Variants in ARID1B observed in about 807,000 individuals in gnomAD.
ARID1B encodes the protein AT-rich interaction domain 1B, also known as AT-rich interactive domain-containing protein 1B.
Under a neutral mutation model 212.3 loss-of-function variants are expected in ARID1B, and 30 were observed. The ratio of observed to expected loss-of-function variants is 0.14; its 90% CI spans 0.11 to 0.19. The LOEUF is 0.19. ARID1B is among the 10% of genes least tolerant of loss of function. The probability of loss-of-function intolerance (pLI) is 1.00; values close to 1 mark genes in which losing one functional copy is unlikely to be tolerated. For missense variants in ARID1B, 2,891 were observed against 3,204.0 expected (o/e 0.90, Z 2.36); for synonymous variants, 1,402 against 1,301.7 (o/e 1.08, Z -1.66).
intron 11 of ARID1B, among the ~76,000 whole-genome samples, 198 bp from the exon 12 acceptor site, chr6:157,180,771 G>A (rs1015993440): frequency 6.6e-5 from 10 of 152,164 alleles, no homozygotes; most frequent in African/African-American, 2.2e-4. Flanking sequence ...TTTATTTAAA[G>A]TAAAAGTAAA....
rs1045559115 is a variant in ARID1B at position 157,205,794 on chromosome 6, G to T, written c.5395-373G>T. 3 of 178,968 alleles carry T rather than the reference G, an allele frequency of 1.7e-5. No individual in the cohort carries two copies. The South Asian group carries it at 4.1e-4, about 24-fold the overall frequency. 11.1% of individuals were successfully genotyped at this position (178,968 alleles called of 1,614,324 possible). A position where few individuals can be genotyped will look rare whatever the true frequency, so the allele number is the denominator to read the frequency against. On this transcript the variant is annotated intron_variant, in intron 19 of 19. Transcript: ENST00000636930. The stretch of plus-strand genomic sequence containing the variant: ...GGGCAAAAGAGTCTATAAAATCCAT[G>T]TTCCCACTCTTCTAATAATGAGTAC...
At chr6:156,856,176 A>G (rs942601779) in intron 2 of ARID1B, among the ~76,000 whole-genome samples, 2 of 152,216 alleles carry the variant, frequency 1.3e-5, no homozygotes, top group Non-Finnish European at 2.9e-5. Flanking sequence ...TAGGTTGCCT[A>G]ACGTTAACTG....
At chr6:157,110,040 G>A (rs1157740689) in intron 5 of ARID1B, among the ~76,000 whole-genome samples, 1 of 152,188 alleles carries the variant, frequency 6.6e-6, no homozygotes, top group Non-Finnish European at 1.5e-5. Flanking sequence ...AGATGTTTTA[G>A]AAGTCTATTG....
chr6:157,054,653 G>A (rs1782823588), intron 4 of ARID1B, among the ~76,000 whole-genome samples: 1 of 152,080 alleles, frequency 6.6e-6, no homozygotes, highest in Non-Finnish European at 1.5e-5. Context: ...AAAGAGCAAG[G>A]TTTGTGGAAA....
intron 17 of ARID1B, among the ~76,000 whole-genome samples, chr6:157,199,968 G>C (rs1036163377): frequency 6.6e-6 from 1 of 152,178 alleles, no homozygotes; most frequent in African/African-American, 2.4e-5. Context: ...CGCCTGGCCA[G>C]TGAATTGCAT....
intron 2 of ARID1B, chr6:156,871,741 C>T: frequency 2.1e-6 from 3 of 1,450,948 alleles, no homozygotes; most frequent in South Asian, 1.2e-5. Flanking sequence ...GTGTTGTTCC[C>T]CTCCTGCAGG....
chr6:156,825,202 A>G (rs960985560), intron 1 of ARID1B, among the ~76,000 whole-genome samples: 4 of 152,230 alleles, frequency 2.6e-5, no homozygotes, highest in Non-Finnish European at 5.9e-5. Context: ...AGTGAGAAGC[A>G]GGAGTTGAGA....
intron 1 of ARID1B, among the ~76,000 whole-genome samples, chr6:156,802,647 T>A (rs1004162647): frequency 1.5e-4 from 23 of 152,240 alleles, no homozygotes; most frequent in African/African-American, 5.5e-4. Flanking sequence ...GCTACAGCTC[T>A]CCTAGCCCCT....
intron 5 of ARID1B, among the ~76,000 whole-genome samples, chr6:157,099,447 A>G: frequency 6.6e-6 from 1 of 152,274 alleles, no homozygotes; most frequent in East Asian, 1.9e-4. Context: ...TATTAAACCA[A>G]CTTGCAAGGG....
intron 12 of ARID1B, among the ~76,000 whole-genome samples, chr6:157,183,656 C>G (rs1792733788): frequency 6.6e-6 from 1 of 152,220 alleles, no homozygotes; most frequent in African/African-American, 2.4e-5. Flanking sequence ...GAGCACCGCA[C>G]AGGAAGGTGT....
intron 1 of ARID1B, among the ~76,000 whole-genome samples, chr6:156,823,503 G>T (rs1310010875): frequency 6.6e-6 from 1 of 152,164 alleles, no homozygotes; most frequent in Non-Finnish European, 1.5e-5. Flanking sequence ...CCCCTGCCCT[G>T]TTTGAGCGAG....
At chr6:156,958,873 G>A (rs1032656516) in intron 4 of ARID1B, among the ~76,000 whole-genome samples, 11 of 152,116 alleles carry the variant, frequency 7.2e-5, no homozygotes, top group South Asian at 4.1e-4. Flanking sequence ...AATGAAGCAA[G>A]GTACTTTTAA....
intron 6 of ARID1B, among the ~76,000 whole-genome samples, chr6:157,119,402 T>A (rs777666934): frequency 2.0e-5 from 3 of 152,188 alleles, no homozygotes; most frequent in Non-Finnish European, 2.9e-5. Flanking sequence ...CCTGTCCTTA[T>A]CCAGCCCCGG....
intron 1 of ARID1B, among the ~76,000 whole-genome samples, chr6:156,814,371 A>G (rs1239036721): frequency 6.6e-6 from 1 of 152,204 alleles, no homozygotes; most frequent in Non-Finnish European, 1.5e-5. Context: ...ACCGCACTAC[A>G]GTCTGGGTGA....
chr6:156,779,316 G>A lies in ARID1B; in HGVS notation c.1636G>A (p.Ala546Thr), dbSNP rs2115002232. ...GTCCCAGGCGGCGGCGGCGGGGGCG[G>A]CGGCGGGCGGCCAGCAGGCGGCCGC... ...PQSQAAAAGA[A>T]AGGQQAAAGM... is the part of the protein sequence containing the mutation. The change falls in exon 1 of 20, where the codon GCG (alanine) becomes ACG (threonine). Residue 546 changes from alanine to threonine, a missense_variant. Transcript: ENST00000636930. The A allele has an allele frequency of 8.8e-7, 1 of 1,139,044 alleles. No homozygotes were observed. The highest frequency in any genetic ancestry group is 1.1e-6 in the Non-Finnish European group (1 of 930,034). 70.6% of individuals were successfully genotyped at this position (1,139,044 alleles called of 1,614,324 possible). A position where few individuals can be genotyped will look rare whatever the true frequency, so the allele number is the denominator to read the frequency against.
chr6:156,835,433 A>G (rs9372017), intron 2 of ARID1B, among the ~76,000 whole-genome samples: 42,609 of 151,926 alleles, frequency 0.28, 6,131 homozygotes, highest in Non-Finnish European at 0.32. Context: ...TTTTTCCGAA[A>G]AGTGAGAGAA....
At chr6:157,138,489 C>T (rs1789099309) in intron 7 of ARID1B, among the ~76,000 whole-genome samples, 1 of 152,262 alleles carries the variant, frequency 6.6e-6, no homozygotes, top group Middle Eastern at 3.4e-3. Flanking sequence ...CCACCCACCT[C>T]GGCCTCCCAA....
At chr6:156,836,146 A>G (rs1015806741) in intron 2 of ARID1B, among the ~76,000 whole-genome samples, 3 of 152,200 alleles carry the variant, frequency 2.0e-5, no homozygotes, top group African/African-American at 7.2e-5. Flanking sequence ...GAAAACAAAC[A>G]CTGAACAACA....
chr6:156,849,188 T>C (rs943803291), intron 2 of ARID1B, among the ~76,000 whole-genome samples: 1 of 152,206 alleles, frequency 6.6e-6, no homozygotes. Context: ...TCTAAATTGT[T>C]GCCTCGATTC....
Sources: gnomAD v4.1 joint callset for allele counts (sites outside exome capture counted in the v4.1 genomes callset) on GRCh38, gnomAD v4.1.1 for gene constraint, MANE v1.5 for transcripts, NCBI Gene and HGNC (gene_info 2026-07-23, HGNC 2026-07-21) for gene names.